SPMIP11: variants seen among roughly 807,000 people sequenced by gnomAD.
The protein encoded by SPMIP11 is sperm microtubule inner protein 11.
At chr12:48,749,907 G>A in the SPMIP11 span, among the ~76,000 whole-genome samples, 49 of 151,526 alleles carry the variant, frequency 3.2e-4, no homozygotes, top group Admixed American at 3.2e-3. Flanking sequence ...TAGCCAGGAT[G>A]GTCTCGATCT....
chr12:48,728,554 A>G, the SPMIP11 span, among the ~76,000 whole-genome samples: 1 of 152,078 alleles, frequency 6.6e-6, no homozygotes, highest in Non-Finnish European at 1.5e-5. Context: ...TAAAAATACA[A>G]ACAATTAGCC....
chr12:48,768,560 T>C, the SPMIP11 span: 1 of 1,614,068 alleles, frequency 6.2e-7, no homozygotes, highest in Non-Finnish European at 8.5e-7. Flanking sequence ...CCCACCTTGG[T>C]CCCTTCAGCT....
the SPMIP11 span, among the ~76,000 whole-genome samples, chr12:48,759,675 A>C: frequency 6.6e-6 from 1 of 152,006 alleles, no homozygotes; most frequent in Admixed American, 6.6e-5. Flanking sequence ...GTCTCAAAAA[A>C]AAAAAAAAGA....
chr12:48,742,012 T>C, the SPMIP11 span, among the ~76,000 whole-genome samples: 9 of 152,336 alleles, frequency 5.9e-5, no homozygotes, highest in African/African-American at 2.2e-4. Context: ...GAATCTGTTA[T>C]TTCTGTGATA....
the SPMIP11 span, among the ~76,000 whole-genome samples, chr12:48,757,561 G>A: frequency 3.3e-5 from 5 of 151,454 alleles, no homozygotes; most frequent in South Asian, 2.1e-4. Flanking sequence ...CAGAAGAATC[G>A]CTTGAACCCA....
At chr12:48,768,339 A>C in the SPMIP11 span, 1 of 546,138 alleles carries the variant, frequency 1.8e-6, no homozygotes. Flanking sequence ...AAAGGCTGGA[A>C]GATTGGAGAG....
the SPMIP11 span, among the ~76,000 whole-genome samples, chr12:48,747,429 C>T: frequency 6.6e-6 from 1 of 152,136 alleles, no homozygotes; most frequent in Non-Finnish European, 1.5e-5. Flanking sequence ...AAATTCAAAG[C>T]CAAAACTGTA....
the SPMIP11 span, among the ~76,000 whole-genome samples, chr12:48,738,848 A>C: frequency 6.6e-6 from 1 of 152,092 alleles, no homozygotes; most frequent in Admixed American, 6.6e-5. Flanking sequence ...AGGGGAACTA[A>C]GCTCCACTTC....
At chr12:48,768,472 C>G in the SPMIP11 span, 1 of 1,457,350 alleles carries the variant, frequency 6.9e-7, no homozygotes, top group Non-Finnish European at 9.5e-7. Flanking sequence ...GGGATGTTCC[C>G]TTTTGTGGTT....
At chr12:48,764,458 A>G in the SPMIP11 span, among the ~76,000 whole-genome samples, 1 of 152,190 alleles carries the variant, frequency 6.6e-6, no homozygotes, top group African/African-American at 2.4e-5. Flanking sequence ...GAGTGAGCAA[A>G]GGAAGCCATT....
chr12:48,732,685 G>A, the SPMIP11 span, among the ~76,000 whole-genome samples: 23 of 151,576 alleles, frequency 1.5e-4, no homozygotes, highest in Non-Finnish European at 1.8e-4. Flanking sequence ...CAGGAGAATC[G>A]CTTGAACCCA....
At chr12:48,754,115 T>C in the SPMIP11 span, among the ~76,000 whole-genome samples, 1 of 152,124 alleles carries the variant, frequency 6.6e-6, no homozygotes, top group Non-Finnish European at 1.5e-5. Flanking sequence ...GAAATGTACC[T>C]TGGGGCAGAG....
chr12:48,769,077 C>T, the SPMIP11 span: 1 of 1,601,006 alleles, frequency 6.2e-7, no homozygotes, highest in East Asian at 2.2e-5. Context: ...GTGGAGAGAA[C>T]AGCAAGAGAC....
chr12:48,754,215 A>G, the SPMIP11 span, among the ~76,000 whole-genome samples: 22 of 152,166 alleles, frequency 1.4e-4, no homozygotes, highest in African/African-American at 5.3e-4. Context: ...AGCTTGGGCA[A>G]CATAGCAAGA....
chr12:48,740,653 T>G, the SPMIP11 span, among the ~76,000 whole-genome samples: 2 of 151,644 alleles, frequency 1.3e-5, no homozygotes, highest in Non-Finnish European at 2.9e-5. Flanking sequence ...CCACCACACC[T>G]GGCCAACTTT....
chr12:48,742,741 C>T, the SPMIP11 span, among the ~76,000 whole-genome samples: 1 of 151,686 alleles, frequency 6.6e-6, no homozygotes, highest in African/African-American at 2.4e-5. Flanking sequence ...CAAAATTAGC[C>T]GGGCATGGTG....
the SPMIP11 span, among the ~76,000 whole-genome samples, chr12:48,735,302 G>C: frequency 6.6e-6 from 1 of 152,144 alleles, no homozygotes; most frequent in Admixed American, 6.6e-5. Flanking sequence ...AGAACTGTGA[G>C]ATTATAAATA....
chr12:48,735,546 T>C, the SPMIP11 span, among the ~76,000 whole-genome samples: 6 of 151,576 alleles, frequency 4.0e-5, no homozygotes, highest in African/African-American at 7.3e-5. Flanking sequence ...TATTGCACCA[T>C]TGCACTCCAG....
chr12:48,751,686 G>T, the SPMIP11 span, among the ~76,000 whole-genome samples: 1 of 152,134 alleles, frequency 6.6e-6, no homozygotes, highest in African/African-American at 2.4e-5. Flanking sequence ...AATTCATAGT[G>T]CCTCAGTTTC....
Sources: gnomAD v4.1 joint callset for allele counts (sites outside exome capture counted in the v4.1 genomes callset) on GRCh38, gnomAD v4.1.1 for gene constraint, MANE v1.5 for transcripts, NCBI Gene and HGNC (gene_info 2026-07-23, HGNC 2026-07-21) for gene names.